Variants in SEC22A observed in about 807,000 individuals in gnomAD.
The protein encoded by SEC22A is vesicle-trafficking protein SEC22a.
SEC22A carries 22 observed loss-of-function variants against 35.3 expected under a neutral mutation model. The ratio of observed to expected loss-of-function variants is 0.62; its 90% CI spans 0.45 to 0.89. The LOEUF (loss-of-function observed/expected upper bound fraction) is 0.89, where lower values mean the gene tolerates loss of function less well. Ranked by LOEUF, SEC22A falls within the 40% of genes least tolerant of loss-of-function variation. The pLI is 0.00. For missense variants in SEC22A, 354 were observed against 362.5 expected, an observed-to-expected ratio of 0.98 and a Z score of 0.19; for synonymous variants, 119 against 129.5, an observed-to-expected ratio of 0.92 and a Z score of 0.55.
chr3:123,242,249 T>G lies in SEC22A; in HGVS notation c.542-3650T>G, dbSNP rs534727568. Reference sequence around the variant, plus strand: ...GACCTCGTCTGCTTCTCCCAGCTATTCCATTCTTCAGTTGCTTGTTAAACA... The same window carrying G: ...GACCTCGTCTGCTTCTCCCAGCTATGCCATTCTTCAGTTGCTTGTTAAACA... On this transcript the variant is annotated intron_variant, in intron 4 of 6. Transcript: ENST00000492595. 1.3e-4 allele frequency among the ~76,000 whole-genome samples: 20 copies of G among 152,260 alleles called. No individual in the cohort carries two copies. The South Asian group carries it at 2.7e-3, about 21-fold the overall frequency.
At chr3:123,259,447 C>T in intron 5 of SEC22A, 77 bp from the exon 6 acceptor site, 2 of 976,254 alleles carry the variant, frequency 2.0e-6, no homozygotes, top group South Asian at 1.4e-5. Context: ...AATATTGTTA[C>T]ATCCTATCTT....
At chr3:123,263,390 C>T (rs994056681) in intron 6 of SEC22A, among the ~76,000 whole-genome samples, 5 of 152,342 alleles carry the variant, frequency 3.3e-5, no homozygotes, top group Admixed American at 6.5e-5. Flanking sequence ...GTCATTGATT[C>T]CATTATGGGG....
In SEC22A at chr3:123,245,907, C is replaced by A. The variant is rs1303404195; in HGVS notation, c.550C>A (p.Arg184=). The A allele has an allele frequency of 6.3e-7, 1 of 1,590,092 alleles. No homozygotes were observed. Among genetic ancestry groups the A allele is most frequent in the Admixed American group, 1.7e-5 (1 of 59,294 alleles). Residue 184 remains arginine (R), a synonymous_variant, in exon 5 of 7, where the codon CGA becomes AGA. Transcript: ENST00000492595. ...GAGKISSAHQ[R]LEPATLSGIV... is the part of the protein sequence containing the mutation. ...TTTCTTTTATTTTCCAGCTCACCAGCGACTGGAACCAGCAACTCTGTCAGG... is the reference window on the plus strand; with the variant it reads ...TTTCTTTTATTTTCCAGCTCACCAGAGACTGGAACCAGCAACTCTGTCAGG...
intron 2 of SEC22A, among the ~76,000 whole-genome samples, chr3:123,211,525 T>C (rs1000917061): frequency 1.3e-5 from 2 of 152,142 alleles, no homozygotes; most frequent in Non-Finnish European, 2.9e-5. Context: ...AGTGGCATGA[T>C]GACAGCTCAC....
chr3:123,244,666 CTG>C, intron 4 of SEC22A, among the ~76,000 whole-genome samples: 1 of 152,224 alleles, frequency 6.6e-6, no homozygotes, highest in African/African-American at 2.4e-5. Flanking sequence ...GTTTTTATAA[CTG>C]TTTAGGGAAG....
chr3:123,239,400 C>G (rs982136564), intron 4 of SEC22A, among the ~76,000 whole-genome samples: 1 of 152,098 alleles, frequency 6.6e-6, no homozygotes, highest in African/African-American at 2.4e-5. Flanking sequence ...CACCCATTAA[C>G]TCGTCATTTA....
At chr3:123,204,057 A>G (rs1308363259) in intron 1 of SEC22A, among the ~76,000 whole-genome samples, 1 of 152,198 alleles carries the variant, frequency 6.6e-6, no homozygotes, top group Non-Finnish European at 1.5e-5. Flanking sequence ...AGCACTTTTA[A>G]TAAAATAATA....
chr3:123,213,991 C>T (rs987936308), intron 2 of SEC22A, among the ~76,000 whole-genome samples: 8 of 151,854 alleles, frequency 5.3e-5, no homozygotes, highest in African/African-American at 1.9e-4. Context: ...TGAGACCATC[C>T]TGGACAACAT....
At chr3:123,226,023 G>A (rs1383626289) in intron 4 of SEC22A, among the ~76,000 whole-genome samples, 2 of 152,248 alleles carry the variant, frequency 1.3e-5, no homozygotes, top group East Asian at 1.9e-4. Context: ...GCAAATGATA[G>A]GATCTCATTC....
chr3:123,209,324 A>G lies in SEC22A; in HGVS notation c.107A>G (p.Tyr36Cys), dbSNP rs753664909. Residue 36 changes from tyrosine (Y) to cysteine (C), a missense_variant, in exon 2 of 7, where the codon TAT (tyrosine) becomes TGT (cysteine). Tyr to Cys is a radical substitution (Grantham distance 194). Transcript: ENST00000492595. ...QSTGMQECRK[Y>C]FKMLSRKLAQ... ...ACAGGAATGCAGGAGTGCAGAAAGT[A>G]TTTTAAAATGCTTTCGAGGAAACTT... The G allele has an allele frequency of 1.2e-6, 2 of 1,614,122 alleles. No individual in the cohort carries two copies. The highest frequency in any genetic ancestry group is 2.2e-5 in the East Asian group (1 of 44,862).
chr3:123,216,927 C>T lies in SEC22A; in HGVS notation c.183-6632C>T, dbSNP rs551165813. ...TAGCACCCTTGAACTCCTGGGTTCA[C>T]GTGATCCTCCTGCCTCAGCCTCCTG... On this transcript the variant is annotated intron_variant, in intron 2 of 6. Transcript: ENST00000492595. Among the ~76,000 whole-genome samples, 28 of 152,216 alleles carry T rather than the reference C, an allele frequency of 1.8e-4. No individual in the cohort carries two copies. In the South Asian group the frequency reaches 2.5e-3, roughly 14 times the overall value.
At chr3:123,230,002 GC>G (rs1348933471) in intron 4 of SEC22A, among the ~76,000 whole-genome samples, 1 of 152,026 alleles carries the variant, frequency 6.6e-6, no homozygotes, top group Non-Finnish European at 1.5e-5. Flanking sequence ...GACAGTAAAG[GC>G]CCGGTGTGGT....
chr3:123,221,873 AT>A (rs1467726238), intron 2 of SEC22A, among the ~76,000 whole-genome samples: 2 of 152,172 alleles, frequency 1.3e-5, no homozygotes, highest in East Asian at 3.9e-4. Flanking sequence ...TTGTTTTCTC[AT>A]TTTATCTACC....
intron 6 of SEC22A, among the ~76,000 whole-genome samples, chr3:123,265,752 G>T (rs550203514): frequency 2.0e-5 from 3 of 152,078 alleles, no homozygotes; most frequent in South Asian, 2.1e-4. Context: ...TTCAACCAAG[G>T]TTCCTTTGTC....
intron 2 of SEC22A, among the ~76,000 whole-genome samples, chr3:123,220,635 C>G (rs1051344777): frequency 3.3e-5 from 5 of 151,886 alleles, no homozygotes; most frequent in Non-Finnish European, 7.4e-5. Context: ...CTGGAAAATG[C>G]TGTAGTTCAC....
intron 4 of SEC22A, among the ~76,000 whole-genome samples, chr3:123,236,212 A>G (rs1365986742): frequency 2.0e-5 from 3 of 152,180 alleles, no homozygotes; most frequent in East Asian, 1.9e-4. Flanking sequence ...TTATATTTCA[A>G]TTTTTAAAAT....
intron 2 of SEC22A, among the ~76,000 whole-genome samples, chr3:123,217,838 G>A (rs1937060028): frequency 6.6e-6 from 1 of 152,174 alleles, no homozygotes; most frequent in Non-Finnish European, 1.5e-5. Flanking sequence ...AGTATGGTAA[G>A]CTCCTGGCAG....
Position 123,223,619 on chromosome 3 carries a change from T to G in SEC22A, c.243T>G (p.Val81=). ...TGTGCACTGAAAATTACCCAAATGT[T>G]CTCGCCTTCTCTTTCCTGGATGAGC... ...MMLCTENYPN[V]LAFSFLDELQ... Residue 81 remains valine, a synonymous_variant, in exon 3 of 7, where the codon GTT becomes GTG. Coordinates refer to ENST00000492595, the MANE Select transcript of SEC22A (RefSeq NM_012430.5). The G allele has an allele frequency of 6.2e-7, 1 of 1,613,578 alleles. No individual in the cohort carries two copies. Among genetic ancestry groups the G allele is most frequent in the South Asian group, 1.1e-5 (1 of 91,072 alleles).
intron 6 of SEC22A, among the ~76,000 whole-genome samples, chr3:123,268,379 A>G (rs6765207): frequency 0.2 from 29,874 of 152,062 alleles, 3,035 homozygotes; most frequent in Middle Eastern, 0.27. Context: ...TGAAGCAAAA[A>G]AGAAAACTCA....
Sources: gnomAD v4.1 joint callset for allele counts (sites outside exome capture counted in the v4.1 genomes callset) on GRCh38, gnomAD v4.1.1 for gene constraint, MANE v1.5 for transcripts, NCBI Gene and HGNC (gene_info 2026-07-23, HGNC 2026-07-21) for gene names.